The following IQUB variants were observed in gnomAD, a reference collection of about 807,000 sequenced individuals.
The protein encoded by IQUB is IQ motif and ubiquitin-like domain-containing protein.
A neutral mutation model predicts 86.4 loss-of-function variants in IQUB; 86 were observed. The ratio of observed to expected loss-of-function variants is 1.00; its 90% CI spans 0.84 to 1.19. IQUB has a LOEUF of 1.19. IQUB is among the 50% of genes most tolerant of loss of function. IQUB has a pLI of 0.00. For missense variants in IQUB, 946 were observed against 916.9 expected (o/e 1.03, Z -0.41); for synonymous variants, 289 against 304.5 (o/e 0.95, Z 0.53).
chr7:123,462,750 A>T (rs1794055116), intron 10 of IQUB: 1 of 436,092 alleles, frequency 2.3e-6, no homozygotes, highest in Admixed American at 2.5e-5. Context: ...ATATCAGTCA[A>T]CCTCATGAAA....
At chr7:123,461,132 C>A (rs1157071527) in intron 11 of IQUB, among the ~76,000 whole-genome samples, 1 of 151,656 alleles carries the variant, frequency 6.6e-6, no homozygotes, top group Admixed American at 6.6e-5. Flanking sequence ...ATTCATTCAA[C>A]AAATATTGAG....
chr7:123,522,644 T>C (rs1796959505), intron 1 of IQUB, among the ~76,000 whole-genome samples: 1 of 152,210 alleles, frequency 6.6e-6, no homozygotes, highest in African/African-American at 2.4e-5. Context: ...ATGATAATTA[T>C]ACATTAATAA....
intron 7 of IQUB, among the ~76,000 whole-genome samples, chr7:123,482,345 T>C (rs1025637028): frequency 1.3e-5 from 2 of 151,992 alleles, no homozygotes; most frequent in East Asian, 3.9e-4. Flanking sequence ...TTGTCATACA[T>C]CAAGCTCCGA....
At chr7:123,492,739 C>T (rs1795526459) in intron 7 of IQUB, among the ~76,000 whole-genome samples, 3 of 152,072 alleles carry the variant, frequency 2.0e-5, no homozygotes, top group African/African-American at 7.2e-5. Context: ...TTCTTACTCA[C>T]CCCACTCTCC....
intron 1 of IQUB, among the ~76,000 whole-genome samples, chr7:123,516,023 A>G (rs1052196634): frequency 1.3e-5 from 2 of 152,226 alleles, no homozygotes; most frequent in Non-Finnish European, 2.9e-5. Context: ...GTTTATTAAA[A>G]TGTATAGCAC....
At chr7:123,520,075 C>T (rs930903504) in intron 1 of IQUB, among the ~76,000 whole-genome samples, 5 of 129,504 alleles carry the variant, frequency 3.9e-5, no homozygotes, top group African/African-American at 1.5e-4. Flanking sequence ...ATGGACAAGG[C>T]TTTTCAAAAA....
chr7:123,454,352 C>T (rs1364365902), intron 12 of IQUB, among the ~76,000 whole-genome samples: 1 of 151,888 alleles, frequency 6.6e-6, no homozygotes, highest in Non-Finnish European at 1.5e-5. Flanking sequence ...ATAAGTAACT[C>T]TTAAATAACT....
intron 1 of IQUB, among the ~76,000 whole-genome samples, chr7:123,512,704 A>G (rs1423790958): frequency 6.6e-6 from 1 of 152,192 alleles, no homozygotes; most frequent in Non-Finnish European, 1.5e-5. Context: ...TTCTAGCATT[A>G]CAAATGATTA....
chr7:123,498,334 G>A (rs1411899549), intron 6 of IQUB, among the ~76,000 whole-genome samples: 1 of 152,016 alleles, frequency 6.6e-6, no homozygotes. Context: ...GATGCTTATA[G>A]TAAAGTTTTA....
intron 7 of IQUB, among the ~76,000 whole-genome samples, chr7:123,493,785 A>G (rs13227757): frequency 1.8e-4 from 25 of 142,850 alleles, no homozygotes; most frequent in African/African-American, 5.2e-4. Context: ...GCATGTGTGT[A>G]TATATACATA....
intron 7 of IQUB, among the ~76,000 whole-genome samples, chr7:123,481,823 A>G (rs1349699896): frequency 1.3e-5 from 2 of 152,162 alleles, no homozygotes; most frequent in Non-Finnish European, 2.9e-5. Context: ...ATGCAAAAAA[A>G]GAAAAAATAT....
chr7:123,523,737 G>C (rs945362018), intron 1 of IQUB, among the ~76,000 whole-genome samples: 50 of 152,164 alleles, frequency 3.3e-4, no homozygotes, highest in African/African-American at 1.2e-3. Flanking sequence ...TTTTACTTTT[G>C]TTGCCATTGC....
At chr7:123,494,576 T>C (rs746257432) in intron 7 of IQUB, among the ~76,000 whole-genome samples, 1 of 152,150 alleles carries the variant, frequency 6.6e-6, no homozygotes, top group Non-Finnish European at 1.5e-5. Context: ...AGAAACTTCA[T>C]GGATTTCATT....
chr7:123,489,233 A>G (rs1184069335), intron 7 of IQUB, among the ~76,000 whole-genome samples: 2 of 152,178 alleles, frequency 1.3e-5, no homozygotes, highest in African/African-American at 4.8e-5. Flanking sequence ...GTAAAAAGTC[A>G]TAAAGCTGTA....
chr7:123,534,011 C>T (rs910706057), intron 1 of IQUB, among the ~76,000 whole-genome samples: 1 of 152,136 alleles, frequency 6.6e-6, no homozygotes, highest in Non-Finnish European at 1.5e-5. Context: ...TCCAGTATTG[C>T]CTTCTACCAA....
intron 1 of IQUB, among the ~76,000 whole-genome samples, chr7:123,512,894 C>A (rs7458490): frequency 0.016 from 2,470 of 152,262 alleles, 66 homozygotes; most frequent in African/African-American, 0.056. Context: ...ACAGCTATAG[C>A]AACCACGAGC....
chr7:123,512,251 T>C lies in IQUB; in HGVS notation c.90A>G (p.Pro30=). 1 of 1,613,518 alleles carries C rather than the reference T, an allele frequency of 6.2e-7. No homozygotes were observed. The highest frequency in any genetic ancestry group is 8.5e-7 in the Non-Finnish European group (1 of 1,179,478). Residue 30 remains proline, a synonymous_variant, in exon 2 of 13, where the codon CCA becomes CCG. Coordinates refer to ENST00000324698, the MANE Select transcript of IQUB (RefSeq NM_178827.5). ...SDDAFDTVTI[P]VPSEEPQESD... is the part of the protein sequence containing the mutation. ...ACTCTTGAGGCTCTTCTGAGGGAAC[T>C]GGAATAGTGACAGTATCAAAAGCAT...
chr7:123,527,347 G>C (rs914967707), intron 1 of IQUB, among the ~76,000 whole-genome samples: 4 of 152,190 alleles, frequency 2.6e-5, no homozygotes, highest in African/African-American at 9.7e-5. Context: ...GCTTTGTTCT[G>C]TTGCTGGTGA....
chr7:123,526,273 C>T (rs1463699990), intron 1 of IQUB, among the ~76,000 whole-genome samples: 1 of 151,960 alleles, frequency 6.6e-6, no homozygotes, highest in Non-Finnish European at 1.5e-5. Flanking sequence ...CTTTCTGTCT[C>T]GTTGATCTGT....
Sources: allele counts gnomAD v4.1 joint callset (sites outside exome capture counted in the v4.1 genomes callset), GRCh38; gene constraint gnomAD v4.1.1; transcripts MANE v1.5; gene names NCBI Gene and HGNC (gene_info 2026-07-23, HGNC 2026-07-21).